The following UNC79 variants were observed in gnomAD, a reference collection of about 807,000 sequenced individuals.
UNC79 encodes the protein protein unc-79 homolog.
UNC79 carries 37 observed loss-of-function variants against 283.1 expected under a neutral mutation model. The ratio of observed to expected loss-of-function variants is 0.13; its 90% confidence interval spans 0.10 to 0.17. UNC79 has a LOEUF of 0.17. Ranked by LOEUF, UNC79 falls within the 10% of genes least tolerant of loss-of-function variation. UNC79 has a pLI of 1.00. For missense variants in UNC79, 2,272 were observed against 3,211.1 expected (o/e 0.71, Z 7.07); for synonymous variants, 1,107 against 1,200.2 (o/e 0.92, Z 1.61).
intron 1 of UNC79, among the ~76,000 whole-genome samples, chr14:93,456,357 A>G (rs991446379): frequency 1.3e-5 from 2 of 152,226 alleles, no homozygotes; most frequent in African/African-American, 4.8e-5. Context: ...TGTGATGAAT[A>G]GGATATGCTT....
chr14:93,627,838 T>A (rs575953179), intron 30 of UNC79, among the ~76,000 whole-genome samples: 1 of 152,332 alleles, frequency 6.6e-6, no homozygotes, highest in African/African-American at 2.4e-5. Flanking sequence ...AATTAACATT[T>A]AACTGAGCAT....
At chr14:93,443,387 T>C (rs1482193305) in intron 1 of UNC79, among the ~76,000 whole-genome samples, 1 of 151,706 alleles carries the variant, frequency 6.6e-6, no homozygotes, top group Non-Finnish European at 1.5e-5. Flanking sequence ...TTCATGTAAA[T>C]GGAATCATTC....
rs1200447181 is a variant in UNC79, at chr14:93,372,216, T to C, written c.-351+38693T>C. Among the ~76,000 whole-genome samples the C allele has an allele frequency of 2.0e-5, 3 of 152,236 alleles. No homozygotes were observed. The East Asian group carries it at 5.8e-4, about 29-fold the overall frequency. On this transcript the variant is annotated intron_variant, in intron 1 of 49. Coordinates refer to the UNC79 transcript ENST00000256339. ...TTTGTTCAAAATAATAGCAACAATGTATTCAATTATATATGCTTATGTTCA... is the reference window on the plus strand; with the variant it reads ...TTTGTTCAAAATAATAGCAACAATGCATTCAATTATATATGCTTATGTTCA...
intron 14 of UNC79, among the ~76,000 whole-genome samples, chr14:93,561,038 A>C (rs1209836838): frequency 3.3e-5 from 5 of 152,192 alleles, no homozygotes; most frequent in African/African-American, 1.2e-4. Context: ...GAAGGTAGCC[A>C]AGGATGGAGG....
At chr14:93,336,609 A>G (rs1047255844) in intron 1 of UNC79, among the ~76,000 whole-genome samples, 3 of 152,254 alleles carry the variant, frequency 2.0e-5, no homozygotes, top group Non-Finnish European at 2.9e-5. Context: ...CCAAAGTGCT[A>G]GGATTACAGG....
In UNC79 at chr14:93,632,633, C is replaced by T. The variant is rs184362490; in HGVS notation, c.5716+1725C>T. 1.6e-3 allele frequency among the ~76,000 whole-genome samples: 243 copies of T among 151,306 alleles called. 2 individuals carry two copies. The highest frequency in any genetic ancestry group is 5.7e-3 in the African/African-American group (234 of 41,166). On this transcript the variant is annotated intron_variant, in intron 31 of 48. Coordinates refer to ENST00000555664, the Ensembl canonical transcript of UNC79. ...AGGATCGCTCAAGCATGGGAGATGGCGGCTGCAGTGAGCTGTGATTGTGCC... is the reference window on the plus strand; with the variant it reads ...AGGATCGCTCAAGCATGGGAGATGGTGGCTGCAGTGAGCTGTGATTGTGCC...
At chr14:93,530,561 G>A (rs903452148) in intron 10 of UNC79, among the ~76,000 whole-genome samples, 1 of 152,074 alleles carries the variant, frequency 6.6e-6, no homozygotes, top group African/African-American at 2.4e-5. Flanking sequence ...GCAGTGAGCC[G>A]TGATCATGCC....
At chr14:93,516,469 T>TGGG (rs2060068510) in intron 7 of UNC79, among the ~76,000 whole-genome samples, 1 of 67,484 alleles carries the variant, frequency 1.5e-5, no homozygotes. Context: ...GGGTGGGGGA[T>TGGG]GGAGTCTTAC....
intron 4 of UNC79, among the ~76,000 whole-genome samples, chr14:93,480,705 AC>A (rs2058085022): frequency 6.6e-6 from 1 of 152,146 alleles, no homozygotes. Context: ...GTTAAAATGG[AC>A]TGATGTGAGA....
At chr14:93,356,879 TG>T (rs2054096079) in intron 1 of UNC79, among the ~76,000 whole-genome samples, 1 of 152,208 alleles carries the variant, frequency 6.6e-6, no homozygotes, top group African/African-American at 2.4e-5. Flanking sequence ...ATTTTAGGTT[TG>T]GGGGTACATG....
chr14:93,435,512 C>T (rs74072880), intron 1 of UNC79, among the ~76,000 whole-genome samples: 13,282 of 152,188 alleles, frequency 0.087, 652 homozygotes, highest in African/African-American at 0.12. Context: ...GTATCATCTA[C>T]GAGGATGCCT....
intron 14 of UNC79, among the ~76,000 whole-genome samples, chr14:93,550,344 G>A (rs1342386200): frequency 4.0e-5 from 6 of 151,768 alleles, no homozygotes; most frequent in African/African-American, 7.3e-5. Flanking sequence ...GTGAAACCTC[G>A]TCTCTACTAA....
chr14:93,361,608 G>A (rs1342664211), intron 1 of UNC79, among the ~76,000 whole-genome samples: 1 of 151,628 alleles, frequency 6.6e-6, no homozygotes, highest in East Asian at 1.9e-4. Flanking sequence ...CAGACTATGA[G>A]GTTTTCTAGA....
chr14:93,507,986 T>C (rs193147464), intron 7 of UNC79, among the ~76,000 whole-genome samples: 1 of 152,214 alleles, frequency 6.6e-6, no homozygotes, highest in African/African-American at 2.4e-5. Flanking sequence ...CTTGGTCATA[T>C]TTTTGTGGGT....
intron 47 of UNC79, among the ~76,000 whole-genome samples, chr14:93,699,783 A>G (rs1277722305): frequency 6.6e-6 from 1 of 152,156 alleles, no homozygotes; most frequent in African/African-American, 2.4e-5. Context: ...TTTTGCTTTA[A>G]ACAGTTGACT....
At chr14:93,528,468 T>C (rs1421213879) in intron 8 of UNC79, 90 bp from the exon 9 acceptor site, 1 of 1,206,074 alleles carries the variant, frequency 8.3e-7, no homozygotes, top group Non-Finnish European at 1.2e-6. Flanking sequence ...TTGTGGAAAA[T>C]CTGTCATTAT....
At chr14:93,533,349 A>T (rs2060916840) in intron 11 of UNC79, among the ~76,000 whole-genome samples, 1 of 152,218 alleles carries the variant, frequency 6.6e-6, no homozygotes, top group Non-Finnish European at 1.5e-5. Flanking sequence ...ATAGTGTCTC[A>T]TATGGCAACC....
At chr14:93,411,653 G>A (rs1161454895) in intron 1 of UNC79, among the ~76,000 whole-genome samples, 1 of 152,040 alleles carries the variant, frequency 6.6e-6, no homozygotes, top group African/African-American at 2.4e-5. Context: ...TCAGCTTTGT[G>A]ATCCACAGAA....
intron 35 of UNC79, among the ~76,000 whole-genome samples, chr14:93,653,539 T>G (rs942132066): frequency 2.0e-5 from 3 of 152,178 alleles, no homozygotes; most frequent in Non-Finnish European, 4.4e-5. Context: ...GAGACTACAC[T>G]GGCATTTCAT....
Sources: allele counts gnomAD v4.1 joint callset (sites outside exome capture counted in the v4.1 genomes callset), GRCh38; gene constraint gnomAD v4.1.1; transcripts MANE v1.5; gene names NCBI Gene and HGNC (gene_info 2026-07-23, HGNC 2026-07-21).